The following CNTNAP2 variants were observed in gnomAD, a reference collection of about 807,000 sequenced individuals.
CNTNAP2 encodes the protein contactin associated protein 2, also known as contactin-associated protein-like 2.
CNTNAP2 carries 98 observed loss-of-function variants against 155.2 expected under a neutral mutation model. The ratio of observed to expected loss-of-function variants is 0.63; its 90% CI spans 0.54 to 0.75. The LOEUF (loss-of-function observed/expected upper bound fraction) is 0.75. Among genes scored for constraint, CNTNAP2 ranks in the 30% least tolerant of loss-of-function variants. The pLI is 0.00. For synonymous variants in CNTNAP2, 651 were observed against 631.2 expected (o/e 1.03, Z -0.47); for missense variants, 1,727 against 1,688.1 (o/e 1.02, Z -0.40).
chr7:146,158,061 A>T (rs1798156523), intron 1 of CNTNAP2, among the ~76,000 whole-genome samples: 2 of 152,200 alleles, frequency 1.3e-5, no homozygotes, highest in African/African-American at 2.4e-5. Flanking sequence ...TCAGGCAGCA[A>T]CATCTGCTGT....
At chr7:147,472,204 C>CTTTTTTTTTTTTTTTTTTTTTTTTTTTT (rs542047274) in intron 10 of CNTNAP2, among the ~76,000 whole-genome samples, 5 of 81,068 alleles carry the variant, frequency 6.2e-5, no homozygotes, top group African/African-American at 2.6e-4. Flanking sequence ...TCTTTTTTTC[C>CTTTTTTTTTTTTTTTTTTTTTTTTTTTT]TTTTTTTTTT....
chr7:146,190,580 A>G (rs1798688497), intron 1 of CNTNAP2, among the ~76,000 whole-genome samples: 1 of 152,166 alleles, frequency 6.6e-6, no homozygotes, highest in South Asian at 2.1e-4. Flanking sequence ...TCAAAATAAG[A>G]GTGTCCACCT....
intron 3 of CNTNAP2, among the ~76,000 whole-genome samples, chr7:146,843,941 A>G (rs1231259876): frequency 6.6e-6 from 1 of 152,140 alleles, no homozygotes; most frequent in African/African-American, 2.4e-5. Context: ...CCATTTTATA[A>G]TGATTGTTTA....
At chr7:147,675,130 T>G (rs1026179182) in intron 13 of CNTNAP2, among the ~76,000 whole-genome samples, 3 of 152,088 alleles carry the variant, frequency 2.0e-5, no homozygotes. Flanking sequence ...TCCCTGCCTC[T>G]TCCATATTCT....
At chr7:146,884,602 T>C (rs763053247) in intron 3 of CNTNAP2, among the ~76,000 whole-genome samples, 24 of 152,052 alleles carry the variant, frequency 1.6e-4, no homozygotes, top group Non-Finnish European at 3.1e-4. Context: ...GTCCCATACA[T>C]ATGGGATTTA....
chr7:148,344,344 C>T (rs1349107707), intron 21 of CNTNAP2, among the ~76,000 whole-genome samples: 1 of 152,238 alleles, frequency 6.6e-6, no homozygotes, highest in East Asian at 1.9e-4. Flanking sequence ...TTGATGAATT[C>T]ATGTGTGTCC....
intron 12 of CNTNAP2, among the ~76,000 whole-genome samples, chr7:147,638,293 A>G (rs1312229460): frequency 2.0e-5 from 3 of 151,996 alleles, no homozygotes; most frequent in Non-Finnish European, 1.5e-5. Flanking sequence ...TCCTAGTTTT[A>G]TCTTAGAGGA....
chr7:147,808,015 A>G (rs566648264), intron 13 of CNTNAP2, among the ~76,000 whole-genome samples: 2 of 151,660 alleles, frequency 1.3e-5, no homozygotes, highest in South Asian at 2.1e-4. Context: ...GTAGTTTGAG[A>G]CTTCTGTGAT....
At chr7:148,061,717 G>T (rs545127020) in intron 15 of CNTNAP2, among the ~76,000 whole-genome samples, 1 of 151,860 alleles carries the variant, frequency 6.6e-6, no homozygotes, top group African/African-American at 2.4e-5. Context: ...GGGAGGAAAT[G>T]GATTAAGAAA....
chr7:147,683,290 T>G (rs746206274), intron 13 of CNTNAP2, among the ~76,000 whole-genome samples: 7 of 151,870 alleles, frequency 4.6e-5, no homozygotes, highest in Non-Finnish European at 1.0e-4. Flanking sequence ...AAACTGCAAT[T>G]TGTAATCAAT....
chr7:146,697,063 C>T (rs1800793960), intron 1 of CNTNAP2, among the ~76,000 whole-genome samples: 1 of 152,050 alleles, frequency 6.6e-6, no homozygotes, highest in Admixed American at 6.6e-5. Flanking sequence ...TGTGTGTTGA[C>T]TCTGTCAATT....
At chr7:147,497,061 A>G (rs1416632950) in intron 11 of CNTNAP2, 1 of 152,152 alleles carries the variant, frequency 6.6e-6, no homozygotes. Context: ...GAAAATTTTG[A>G]TGCTTGACTT....
At chr7:148,292,644 T>G (rs890471313) in intron 21 of CNTNAP2, among the ~76,000 whole-genome samples, 1 of 152,176 alleles carries the variant, frequency 6.6e-6, no homozygotes, top group African/African-American at 2.4e-5. Context: ...GGTATTACTC[T>G]ACCTTTCATG....
chr7:147,631,592 T>C (rs999333322), intron 12 of CNTNAP2, among the ~76,000 whole-genome samples: 1 of 152,130 alleles, frequency 6.6e-6, no homozygotes, highest in African/African-American at 2.4e-5. Flanking sequence ...TCTACAAGGC[T>C]ATAGAGACCA....
intron 10 of CNTNAP2, among the ~76,000 whole-genome samples, chr7:147,422,857 G>T (rs1261451005): frequency 6.6e-6 from 1 of 151,980 alleles, no homozygotes; most frequent in Non-Finnish European, 1.5e-5. Flanking sequence ...AAAATACTTT[G>T]TTATTATTGC....
chr7:146,696,934 G>T (rs951791006), intron 1 of CNTNAP2, among the ~76,000 whole-genome samples: 1 of 152,086 alleles, frequency 6.6e-6, no homozygotes, highest in East Asian at 1.9e-4. Context: ...CTAGAATGTG[G>T]TATATCCTGG....
At chr7:148,139,301 C>T (rs1805015189) in intron 16 of CNTNAP2, among the ~76,000 whole-genome samples, 3 of 152,256 alleles carry the variant, frequency 2.0e-5, no homozygotes, top group Middle Eastern at 3.4e-3. Flanking sequence ...AAAATCTCTA[C>T]ATTCAGAAAC....
chr7:146,905,222 C>A (rs1268483248), intron 3 of CNTNAP2, among the ~76,000 whole-genome samples: 3 of 151,870 alleles, frequency 2.0e-5, no homozygotes, highest in Admixed American at 6.6e-5. Context: ...TTGCCTCTGG[C>A]CTAGAAGATC....
intron 20 of CNTNAP2, among the ~76,000 whole-genome samples, chr7:148,248,542 G>T (rs1796314746): frequency 6.6e-6 from 1 of 152,128 alleles, no homozygotes; most frequent in South Asian, 2.1e-4. Context: ...CTTTCATTCT[G>T]CATAATGATT....
Sources: allele counts gnomAD v4.1 joint callset (sites outside exome capture counted in the v4.1 genomes callset), GRCh38; gene constraint gnomAD v4.1.1; transcripts MANE v1.5; gene names NCBI Gene and HGNC (gene_info 2026-07-23, HGNC 2026-07-21).